BRI3BP: variants seen among roughly 807,000 people sequenced by gnomAD.
BRI3BP encodes BRI3-binding protein.
A neutral mutation model predicts 15.8 loss-of-function variants in BRI3BP; 7 were observed. The observed-to-expected ratio is 0.44, with a 90% confidence interval of 0.25 to 0.83. BRI3BP has a LOEUF of 0.83. Ranked by LOEUF, BRI3BP falls within the 40% of genes least tolerant of loss-of-function variation. The pLI is 0.20. For synonymous variants in BRI3BP, 192 were observed against 163.5 expected (o/e 1.17, Z -1.33); for missense variants, 320 against 339.3 (o/e 0.94, Z 0.45).
chr12:125,040,306 T>A, the BRI3BP span, among the ~76,000 whole-genome samples: 1 of 152,130 alleles, frequency 6.6e-6, no homozygotes, highest in East Asian at 1.9e-4. Flanking sequence ...TAACACTATT[T>A]TTTTTTGTTT....
chr12:125,048,649 A>T, the BRI3BP span, among the ~76,000 whole-genome samples: 3 of 152,072 alleles, frequency 2.0e-5, no homozygotes, highest in Non-Finnish European at 4.4e-5. Flanking sequence ...ATGTACACAT[A>T]TGTAACTAAC....
intron 1 of BRI3BP, among the ~76,000 whole-genome samples, chr12:125,007,392 T>C (rs1955154091): frequency 6.6e-6 from 1 of 152,092 alleles, no homozygotes; most frequent in South Asian, 2.1e-4. Flanking sequence ...TCTACTATTT[T>C]ACAAAAACTA....
chr12:125,015,718 A>G (rs1955236717), intron 2 of BRI3BP, among the ~76,000 whole-genome samples: 1 of 152,172 alleles, frequency 6.6e-6, no homozygotes, highest in Non-Finnish European at 1.5e-5. Context: ...TCCAGCCTTA[A>G]TTCATTGAGT....
At chr12:125,007,871 C>T (rs758164358) in intron 1 of BRI3BP, among the ~76,000 whole-genome samples, 4 of 152,246 alleles carry the variant, frequency 2.6e-5, no homozygotes, top group Admixed American at 6.5e-5. Context: ...TGTCTTACTA[C>T]GCGTCTCTTC....
intron 1 of BRI3BP, among the ~76,000 whole-genome samples, chr12:125,007,509 A>C (rs778181378): frequency 1.1e-4 from 16 of 152,128 alleles, no homozygotes; most frequent in Non-Finnish European, 2.4e-4. Flanking sequence ...AGATGGCGCT[A>C]ATGCACTGTA....
the BRI3BP span, among the ~76,000 whole-genome samples, chr12:125,043,290 T>TA: frequency 2.0e-5 from 3 of 152,180 alleles, no homozygotes; most frequent in Non-Finnish European, 2.9e-5. Flanking sequence ...CAGGCTCATG[T>TA]AGTGATGCTG....
intron 2 of BRI3BP, among the ~76,000 whole-genome samples, chr12:125,017,800 CTG>C (rs1955260588): frequency 6.6e-6 from 1 of 152,130 alleles, no homozygotes; most frequent in African/African-American, 2.4e-5. Context: ...TTCCAGTAAA[CTG>C]GGGAAAATAG....
chr12:125,045,612 G>A, the BRI3BP span, among the ~76,000 whole-genome samples: 16 of 152,306 alleles, frequency 1.1e-4, no homozygotes, highest in East Asian at 1.9e-3. Flanking sequence ...GATTACAGGC[G>A]TGAACCGCCC....
chr12:124,994,130 C>A, intron 1 of BRI3BP, 127 bp downstream of exon 1: 4 of 595,816 alleles, frequency 6.7e-6, no homozygotes, highest in Non-Finnish European at 8.9e-6. Context: ...AAGAGGGGGT[C>A]CGGCCTGCGC....
At chr12:125,042,297 T>G in the BRI3BP span, among the ~76,000 whole-genome samples, 1 of 152,222 alleles carries the variant, frequency 6.6e-6, no homozygotes, top group Non-Finnish European at 1.5e-5. Context: ...ATCTTTACCC[T>G]CTTCCCACTT....
rs1177313205 is a variant in BRI3BP, at chr12:125,030,075, T to C, written c.*4645T>C. On this transcript the variant is annotated 3_prime_UTR_variant, in exon 3 of 3. Transcript: ENST00000341446. Reference sequence around the variant, plus strand: ...TGTCAAATGGCCTAGACATGGTTAATGCAATTTGTTGCTAGTGGAAATCCT... The same window carrying C: ...TGTCAAATGGCCTAGACATGGTTAACGCAATTTGTTGCTAGTGGAAATCCT... 1 of 152,216 alleles carries C rather than the reference T, an allele frequency of 6.6e-6. No individual in the cohort carries two copies. Among genetic ancestry groups the C allele is most frequent in the Non-Finnish European group, 1.5e-5 (1 of 68,028 alleles). 9.4% of individuals were successfully genotyped at this position (152,216 alleles called of 1,614,324 possible).
intron 1 of BRI3BP, among the ~76,000 whole-genome samples, chr12:124,995,520 T>G (rs561167164): frequency 6.6e-6 from 1 of 152,336 alleles, no homozygotes; most frequent in East Asian, 1.9e-4. Flanking sequence ...CGAGTGGTTA[T>G]TTAAGACTTT....
chr12:125,040,307 T>TTTTTTG, the BRI3BP span, among the ~76,000 whole-genome samples: 1 of 152,040 alleles, frequency 6.6e-6, no homozygotes, highest in African/African-American at 2.4e-5. Flanking sequence ...AACACTATTT[T>TTTTTTG]TTTTTGTTTT....
At chr12:124,999,186 T>C (rs1955062953) in intron 1 of BRI3BP, among the ~76,000 whole-genome samples, 1 of 152,188 alleles carries the variant, frequency 6.6e-6, no homozygotes, top group Admixed American at 6.5e-5. Flanking sequence ...ACATCCTGAA[T>C]GCCAGGTCGA....
intron 2 of BRI3BP, among the ~76,000 whole-genome samples, chr12:125,016,221 G>A (rs988537536): frequency 1.8e-4 from 27 of 152,154 alleles, no homozygotes; most frequent in Non-Finnish European, 3.5e-4. Context: ...CAAGGCATCC[G>A]AAGCCCTTTG....
At chr12:125,042,304 A>G in the BRI3BP span, among the ~76,000 whole-genome samples, 10 of 152,094 alleles carry the variant, frequency 6.6e-5, no homozygotes, top group Admixed American at 3.3e-4. Flanking sequence ...CCCTCTTCCC[A>G]CTTGGTAAAT....
At chr12:125,038,514 C>A in the BRI3BP span, among the ~76,000 whole-genome samples, 1 of 152,108 alleles carries the variant, frequency 6.6e-6, no homozygotes, top group Non-Finnish European at 1.5e-5. Flanking sequence ...GCCTGTAATC[C>A]CAGCACTTTG....
intron 1 of BRI3BP, among the ~76,000 whole-genome samples, chr12:125,007,208 CA>C (rs1485972579): frequency 6.6e-6 from 1 of 151,692 alleles, no homozygotes; most frequent in African/African-American, 2.4e-5. Flanking sequence ...CCGCCCCCCC[CA>C]AATAAATTGC....
the BRI3BP span, among the ~76,000 whole-genome samples, chr12:125,043,205 C>T: frequency 6.6e-6 from 1 of 152,142 alleles, no homozygotes; most frequent in Non-Finnish European, 1.5e-5. Context: ...TAAGTTCTTT[C>T]AGGCCCAGGG....
Sources: gnomAD v4.1 joint callset for allele counts (sites outside exome capture counted in the v4.1 genomes callset) on GRCh38, gnomAD v4.1.1 for gene constraint, MANE v1.5 for transcripts, NCBI Gene and HGNC (gene_info 2026-07-23, HGNC 2026-07-21) for gene names.